ZNF729: variants seen among roughly 807,000 people sequenced by gnomAD.
ZNF729 encodes the protein zinc finger protein 729.
A neutral mutation model predicts 12.2 loss-of-function variants in ZNF729; 15 were observed. That is an observed-to-expected ratio of 1.23 (90% CI 0.82 to 1.89). ZNF729 has a LOEUF of 1.89. Ranked by LOEUF, ZNF729 falls within the 40% of genes most tolerant of loss-of-function variation. The pLI is 0.00. For synonymous variants in ZNF729, 492 were observed against 476.3 expected (o/e 1.03, Z -0.43); for missense variants, 1,540 against 1,456.7 (o/e 1.06, Z -0.93).
chr19:22,312,014 A>G (rs4932755), intron 3 of ZNF729, among the ~76,000 whole-genome samples: 100,154 of 151,730 alleles, frequency 0.66, 33,997 homozygotes, highest in South Asian at 0.83. Flanking sequence ...TAGCCCTTAT[A>G]AACCTCTTGT....
chr19:22,311,392 CTT>C (rs1220375715), intron 3 of ZNF729, among the ~76,000 whole-genome samples: 2 of 151,982 alleles, frequency 1.3e-5, no homozygotes, highest in African/African-American at 4.8e-5. Context: ...AGTTGTGTCA[CTT>C]TTGTTGTTGA....
chr19:22,313,745 A>C lies in ZNF729; in HGVS notation c.328A>C (p.Arg110=). ...TKDSFQEVIL[R]TYARCGHKNL... Reference sequence around the variant, plus strand: ...AGATTCTTTCCAAGAAGTAATACTGAGAACATATGCAAGATGTGGACATAA... The same window carrying C: ...AGATTCTTTCCAAGAAGTAATACTGCGAACATATGCAAGATGTGGACATAA... The change falls in exon 4 of 4, where the codon AGA becomes CGA. Residue 110 remains arginine, a synonymous_variant. Coordinates refer to ENST00000601693, the MANE Select transcript of ZNF729 (RefSeq NM_001242680.2). The C allele has an allele frequency of 6.3e-7, 1 of 1,590,420 alleles. No individual in the cohort carries two copies. Among genetic ancestry groups the C allele is most frequent in the South Asian group, 1.1e-5 (1 of 87,250 alleles).
chr19:22,313,292 T>C (rs1968473609), intron 3 of ZNF729, among the ~76,000 whole-genome samples: 1 of 152,072 alleles, frequency 6.6e-6, no homozygotes, highest in Non-Finnish European at 1.5e-5. Flanking sequence ...TCTCAGGTAA[T>C]CCACTTGCCT....
chr19:22,307,758 A>G (rs947791667), intron 3 of ZNF729, among the ~76,000 whole-genome samples: 1 of 129,104 alleles, frequency 7.7e-6, no homozygotes, highest in Admixed American at 7.6e-5. Flanking sequence ...AAAAAAAAGC[A>G]TATTTTTTTC....
chr19:22,315,025 A>G lies in ZNF729; in HGVS notation c.1608A>G (p.Ile536Met). The G allele has an allele frequency of 1.2e-6, 2 of 1,611,782 alleles. No individual in the cohort carries two copies. Among genetic ancestry groups the G allele is most frequent in the East Asian group, 2.2e-5 (1 of 44,828 alleles). Reference sequence around the variant, plus strand: ...CCTCAACCCTTAGAAACCATCAGATAATTCATACTGGAGAGAAACCCTACA... The same window carrying G: ...CCTCAACCCTTAGAAACCATCAGATGATTCATACTGGAGAGAAACCCTACA... ...SQSSTLRNHQ[I>M]IHTGEKPYKC... The change falls in exon 4 of 4, where the codon ATA becomes ATG. Residue 536 changes from isoleucine (I) to methionine (M), a missense_variant. Physicochemically the swap from Ile to Met is conservative, Grantham distance 10. Transcript: ENST00000601693.
chr19:22,301,515 C>G (rs1345918176), intron 1 of ZNF729, among the ~76,000 whole-genome samples: 2 of 152,264 alleles, frequency 1.3e-5, no homozygotes, highest in African/African-American at 4.8e-5. Flanking sequence ...CACATAAGAT[C>G]TGGCCTCTGC....
rs76977532 is a variant in ZNF729, at chr19:22,296,678, C to T, written c.31-7080C>T. Among the ~76,000 whole-genome samples the T allele has an allele frequency of 9.1e-3, 1,386 of 151,848 alleles. 21 individuals carry two copies. Among genetic ancestry groups the T allele is most frequent in the African/African-American group, 0.032 (1,310 of 41,414 alleles). ...GGAGTTGCTTTGCTCTTGCTTCTCT[C>T]GTTCTTTTATTTATGATGTTAGGTT... On this transcript the variant is annotated intron_variant, in intron 1 of 3. Coordinates refer to ENST00000601693, the MANE Select transcript of ZNF729 (RefSeq NM_001242680.2).
chr19:22,304,725 G>A lies in ZNF729; in HGVS notation c.195G>A (p.Leu65=). 1.2e-6 allele frequency: 2 copies of A among 1,613,202 alleles called. No individual in the cohort carries two copies. Residue 65 remains leucine (L), a synonymous_variant, in exon 3 of 4, where the codon CTG becomes CTA. Coordinates refer to ENST00000601693, the MANE Select transcript of ZNF729 (RefSeq NM_001242680.2). Reference sequence around the variant, plus strand: ...TTAAGCCAGACTTGATAACTTGTCTGAAGCAAGGGAAAGAGCCTTGGAATA... The same window carrying A: ...TTAAGCCAGACTTGATAACTTGTCTAAAGCAAGGGAAAGAGCCTTGGAATA... The part of the protein sequence containing the change: ...AVFKPDLITC[L]KQGKEPWNMK...
At chr19:22,306,499 T>C (rs554668833) in intron 3 of ZNF729, among the ~76,000 whole-genome samples, 4 of 148,598 alleles carry the variant, frequency 2.7e-5, no homozygotes, top group African/African-American at 1.0e-4. Context: ...TTCTGTTTTA[T>C]GTTTTTTTTT....
At position 22,315,369 on chromosome 19, in the gene ZNF729, C is replaced by T. The variant is rs753428458; in HGVS notation, c.1952C>T (p.Thr651Ile). ...CTTACTAGACATAAAGCAATTCATA[C>T]TGGAGAGAAACCTTACAAATGTGAA... ...SHLTRHKAIH[T>I]GEKPYKCEEC... The change falls in exon 4 of 4, where the codon ACT (threonine) becomes ATT (isoleucine). Residue 651 changes from threonine (T) to isoleucine (I), a missense_variant. By Grantham distance (89) the Thr-to-Ile change is moderately conservative. Transcript: ENST00000601693. 5.0e-6 allele frequency: 8 copies of T among 1,613,472 alleles called. No individual in the cohort carries two copies. The highest frequency in any genetic ancestry group is 2.2e-5 in the South Asian group (2 of 91,064).
At chr19:22,311,691 T>C (rs1968451600) in intron 3 of ZNF729, among the ~76,000 whole-genome samples, 1 of 152,176 alleles carries the variant, frequency 6.6e-6, no homozygotes, top group African/African-American at 2.4e-5. Context: ...ATGTTCTGTA[T>C]ATATTTGTTA....
chr19:22,286,551 A>G lies in ZNF729; in HGVS notation c.26A>G (p.Glu9Gly). Residue 9 changes from glutamate to glycine, a missense_variant, in exon 1 of 4, where the codon GAA (glutamate) becomes GGA (glycine). Transcript: ENST00000601693. The stretch of plus-strand genomic sequence containing the variant: ...ATGCCAGGTGCCCCTGGCAGCCTAG[A>G]AATGGTGAGAGTGCCGGGTCCGACA... MPGAPGSL[E>G]MGPLTFRDVT... The G allele has an allele frequency of 6.2e-7, 1 of 1,613,844 alleles. No individual in the cohort carries two copies. Among genetic ancestry groups the G allele is most frequent in the Non-Finnish European group, 8.5e-7 (1 of 1,179,980 alleles).
chr19:22,304,586 T>TGGGGGATCA (rs1250245009), intron 2 of ZNF729, 102 bp from the exon 3 acceptor site: 2 of 1,016,100 alleles, frequency 2.0e-6, no homozygotes, highest in African/African-American at 3.3e-5. Context: ...AAATTAGTAT[T>TGGGGGATCA]GGGGGATCAA....
rs1968518278 is a variant in ZNF729 at position 22,315,425 on chromosome 19, G to A, written c.2008G>A (p.Ala670Thr). ...TGGCAAAGCTTTTAGCCATTTCTCA[G>A]CCCTTAGAAGACATAAGATAATTCA... ...ECGKAFSHFSALRRHKIIHTG... is the reference protein window; with the variant it reads ...ECGKAFSHFSTLRRHKIIHTG... The change falls in exon 4 of 4, where the codon GCC (alanine) becomes ACC (threonine). Residue 670 changes from alanine (A) to threonine (T), a missense_variant. By Grantham distance (58) the Ala-to-Thr change is moderately conservative (BLOSUM62 0). Coordinates refer to ENST00000601693, the MANE Select transcript of ZNF729 (RefSeq NM_001242680.2). The A allele has an allele frequency of 6.2e-7, 1 of 1,609,416 alleles. No homozygotes were observed. The highest frequency in any genetic ancestry group is 1.4e-5 in the African/African-American group (1 of 73,712).
Position 22,303,836 on chromosome 19 carries a change from T to G in ZNF729, c.109T>G (p.Leu37Val), listed in dbSNP as rs776578398. The G allele has an allele frequency of 1.3e-6, 2 of 1,575,216 alleles. No homozygotes were observed. Among genetic ancestry groups the G allele is most frequent in the Non-Finnish European group, 1.7e-6 (2 of 1,155,922 alleles). Residue 37 changes from leucine to valine, a missense_variant, in exon 2 of 4, where the codon TTA becomes GTA. Coordinates refer to ENST00000601693, the MANE Select transcript of ZNF729 (RefSeq NM_001242680.2). Reference sequence around the variant, plus strand: ...ATGCCTGGACACGGTTCAGCAGAATTTATATAGGGATGTGATGTTAGAGAA... The same window carrying G: ...ATGCCTGGACACGGTTCAGCAGAATGTATATAGGGATGTGATGTTAGAGAA... ...WQCLDTVQQN[L>V]YRDVMLENYR...
intron 3 of ZNF729, among the ~76,000 whole-genome samples, chr19:22,309,894 T>C (rs1968430239): frequency 3.3e-5 from 5 of 152,052 alleles, no homozygotes; most frequent in Admixed American, 3.3e-4. Context: ...TAGCAGTGTT[T>C]CATAGTTTTC....
At chr19:22,308,667 T>C (rs1968414067) in intron 3 of ZNF729, among the ~76,000 whole-genome samples, 1 of 152,208 alleles carries the variant, frequency 6.6e-6, no homozygotes. Context: ...CATTTGTATA[T>C]CTTCTGTTGA....
intron 3 of ZNF729, 123 bp from the exon 4 acceptor site, chr19:22,313,548 T>C: frequency 1.2e-6 from 1 of 830,200 alleles, no homozygotes; most frequent in South Asian, 3.1e-5. Flanking sequence ...ATGAAGAAAT[T>C]AGGGCCTGTC....
At chr19:22,292,704 G>T (rs865812869) in intron 1 of ZNF729, among the ~76,000 whole-genome samples, 2 of 152,082 alleles carry the variant, frequency 1.3e-5, no homozygotes, top group African/African-American at 4.8e-5. Flanking sequence ...GCCTCCCAGA[G>T]TGCTGGAACT....
Sources: allele counts gnomAD v4.1 joint callset (sites outside exome capture counted in the v4.1 genomes callset), GRCh38; gene constraint gnomAD v4.1.1; transcripts MANE v1.5; gene names NCBI Gene and HGNC (gene_info 2026-07-23, HGNC 2026-07-21).